The following ABCA13 variants were observed in gnomAD, a reference collection of about 807,000 sequenced individuals.
ABCA13 encodes ATP binding cassette subfamily A member 13, also known as ATP-binding cassette sub-family A member 13.
A neutral mutation model predicts 478.7 loss-of-function variants in ABCA13; 476 were observed. That is an observed-to-expected ratio of 0.99 (90% CI 0.92 to 1.07). The LOEUF is 1.07. ABCA13 is among the 50% of genes least tolerant of loss of function. ABCA13 has a pLI of 0.00. For synonymous variants in ABCA13, 2,252 were observed against 2,158.9 expected, an observed-to-expected ratio of 1.04 and a Z score of -1.20; for missense variants, 6,060 against 5,910.6, an observed-to-expected ratio of 1.03 and a Z score of -0.83.
chr7:48,629,886 A>G (rs79463417), intron 59 of ABCA13, among the ~76,000 whole-genome samples: 5,003 of 152,224 alleles, frequency 0.033, 85 homozygotes, highest in South Asian at 0.062. Context: ...GTGGAAGAAC[A>G]CCACGTATAG....
At chr7:48,462,299 G>A (rs1248826421) in intron 43 of ABCA13, among the ~76,000 whole-genome samples, 4 of 152,062 alleles carry the variant, frequency 2.6e-5, no homozygotes, top group African/African-American at 9.7e-5. Flanking sequence ...TAAAGTCTGG[G>A]GAGTGATATG....
chr7:48,396,507 G>T (rs1816855110), intron 38 of ABCA13, among the ~76,000 whole-genome samples: 2 of 152,304 alleles, frequency 1.3e-5, no homozygotes, highest in South Asian at 4.1e-4. Context: ...TCTGACCTAG[G>T]ACTCTCAGAT....
Position 48,272,461 on chromosome 7 carries a change from C to G in ABCA13, c.2795C>G (p.Ala932Gly). The change falls in exon 17 of 62, where the codon GCC becomes GGC. Residue 932 changes from alanine (A) to glycine (G), a missense_variant. Ala to Gly is a moderately conservative substitution (Grantham distance 60). Transcript: ENST00000435803. Reference sequence around the variant, plus strand: ...AGGAATGCATCTGATCTTTTCTCAGCCCTTTCTGAACCACAAAAACAAGAA... The same window carrying G: ...AGGAATGCATCTGATCTTTTCTCAGGCCTTTCTGAACCACAAAAACAAGAA... ...AIRNASDLFSALSEPQKQEVD... is the reference protein window; with the variant it reads ...AIRNASDLFSGLSEPQKQEVD... 1.2e-6 allele frequency: 2 copies of G among 1,613,768 alleles called. No individual in the cohort carries two copies. The highest frequency in any genetic ancestry group is 1.7e-6 in the Non-Finnish European group (2 of 1,179,770).
At chr7:48,353,508 G>A (rs977025260) in intron 31 of ABCA13, among the ~76,000 whole-genome samples, 12 of 150,990 alleles carry the variant, frequency 7.9e-5, no homozygotes, top group Admixed American at 1.3e-4. Flanking sequence ...ATCCTTCATC[G>A]AAACACTGCC....
chr7:48,222,180 AC>A lies in ABCA13; in HGVS notation c.468+872del, dbSNP rs1334445147. Among the ~76,000 whole-genome samples, 4 of 152,182 alleles carry A rather than the reference AC, an allele frequency of 2.6e-5. No individual in the cohort carries two copies. In the East Asian group the frequency reaches 7.7e-4, roughly 29 times the overall value. On this transcript the variant is annotated intron_variant, in intron 5 of 61. Coordinates refer to ENST00000435803, the MANE Select transcript of ABCA13 (RefSeq NM_152701.5). ...CACTAGCAAAGAGTATTGAACAAAC[AC>A]TCATCTTAACTTGGAGATTTCTGAT...
In ABCA13 at chr7:48,276,476, A is replaced by C. The variant is rs201281803; in HGVS notation, c.6810A>C (p.Thr2270=). Residue 2270 remains threonine, a synonymous_variant, in exon 17 of 62, where the codon ACA becomes ACC. Transcript: ENST00000435803. ...ATTTCACAGAACAGTTTTTGAAAAC[A>C]TTCTTCTCCCTTTTTCTAAAGGAAG... is the stretch of plus-strand genomic sequence containing the variant. ...IVDFTEQFLK[T]FFSLFLKEDS... is the part of the protein sequence containing the mutation. The C allele has an allele frequency of 6.9e-5, 110 of 1,605,698 alleles. No homozygotes were observed. The highest frequency in any genetic ancestry group is 8.8e-5 in the Non-Finnish European group (103 of 1,176,912).
intron 55 of ABCA13, among the ~76,000 whole-genome samples, chr7:48,557,694 T>C (rs564395230): frequency 2.0e-5 from 3 of 151,958 alleles, no homozygotes; most frequent in Admixed American, 6.6e-5. Context: ...TGGTTAAATC[T>C]GCTTGGTGTT....
At chr7:48,187,289 C>A (rs1444069487) in intron 1 of ABCA13, among the ~76,000 whole-genome samples, 1 of 131,556 alleles carries the variant, frequency 7.6e-6, no homozygotes, top group African/African-American at 2.9e-5. Flanking sequence ...TTTTGTCTGT[C>A]TAGACACCTG....
At chr7:48,230,035 A>C in intron 7 of ABCA13, 80 bp downstream of exon 7, 4 of 1,430,684 alleles carry the variant, frequency 2.8e-6, no homozygotes, top group Non-Finnish European at 1.9e-6. Context: ...TAGAGCTAAA[A>C]TGATGTTCAA....
chr7:48,636,118 T>A (rs1794614740), intron 59 of ABCA13, among the ~76,000 whole-genome samples: 2 of 152,312 alleles, frequency 1.3e-5, no homozygotes, highest in Non-Finnish European at 2.9e-5. Context: ...ATTGACTTTT[T>A]ACAGCCCCTG....
At chr7:48,315,764 C>G (rs1802500403) in intron 26 of ABCA13, among the ~76,000 whole-genome samples, 1 of 152,112 alleles carries the variant, frequency 6.6e-6, no homozygotes, top group Non-Finnish European at 1.5e-5. Flanking sequence ...AGGCGTGAGC[C>G]ACTGTGCCTG....
At chr7:48,436,077 A>T (rs10248371) in intron 42 of ABCA13, among the ~76,000 whole-genome samples, 36 of 151,000 alleles carry the variant, frequency 2.4e-4, no homozygotes, top group African/African-American at 8.5e-4. Context: ...CAATTTTTTC[A>T]AAGAGTTCTA....
chr7:48,641,121 A>G (rs1017293061), intron 59 of ABCA13, among the ~76,000 whole-genome samples: 6 of 152,194 alleles, frequency 3.9e-5, no homozygotes, highest in Non-Finnish European at 8.8e-5. Context: ...TTATTAGATA[A>G]TTACTGGAAT....
chr7:48,358,819 G>A (rs1039985483), intron 31 of ABCA13, among the ~76,000 whole-genome samples: 1 of 152,030 alleles, frequency 6.6e-6, no homozygotes, highest in South Asian at 2.1e-4. Context: ...AAATATAGGA[G>A]AATTTCTTGG....
At chr7:48,290,800 C>G (rs1035659667) in intron 20 of ABCA13, among the ~76,000 whole-genome samples, 14 of 151,978 alleles carry the variant, frequency 9.2e-5, no homozygotes, top group Admixed American at 2.6e-4. Flanking sequence ...GGGATACTCA[C>G]CTGTATCTAT....
chr7:48,179,405 T>C lies in ABCA13; in HGVS notation c.69+7853T>C, dbSNP rs192415880. Among the ~76,000 whole-genome samples the C allele has an allele frequency of 1.5e-3, 224 of 152,314 alleles. 2 individuals carry two copies. Among genetic ancestry groups the C allele is most frequent in the Non-Finnish European group, 1.5e-4 (10 of 68,026 alleles). On this transcript the variant is annotated intron_variant, in intron 1 of 61. Transcript: ENST00000435803. ...TCCTCTCCTCTCTCTGCTTCATTCCTGTCGGGGATGTTTTCCTCCCCCACT... is the reference window on the plus strand; with the variant it reads ...TCCTCTCCTCTCTCTGCTTCATTCCCGTCGGGGATGTTTTCCTCCCCCACT...
In ABCA13 at chr7:48,615,373, A is replaced by T; in HGVS notation, c.14833A>T (p.Asn4945Tyr). 6.4e-7 allele frequency: 1 copy of T among 1,563,384 alleles called. No homozygotes were observed. The highest frequency in any genetic ancestry group is 2.4e-5 in the East Asian group (1 of 42,454). Residue 4945 changes from asparagine (N) to tyrosine (Y), a missense_variant, in exon 59 of 62, where the codon AAT (asparagine) becomes TAT (tyrosine). By Grantham distance (143) the Asn-to-Tyr change is moderately radical. Coordinates refer to ENST00000435803, the MANE Select transcript of ABCA13 (RefSeq NM_152701.5). ...KCLGSPQHIK[N>Y]RFGDGYTVKV... ...TCTTGGTTCTCCTCAGCACATCAAA[A>T]ATAGGTGCGTTGAAGTTCTCCTTTT...
At chr7:48,505,800 G>A (rs762412868) in intron 48 of ABCA13, among the ~76,000 whole-genome samples, 4 of 151,956 alleles carry the variant, frequency 2.6e-5, no homozygotes, top group Admixed American at 6.6e-5. Flanking sequence ...GCTGATGGCA[G>A]TTTCTTCATT....
At chr7:48,558,840 T>G (rs577729741) in intron 55 of ABCA13, among the ~76,000 whole-genome samples, 1 of 152,320 alleles carries the variant, frequency 6.6e-6, no homozygotes, top group South Asian at 2.1e-4. Context: ...GCCTTGATGT[T>G]CAGAGATGTT....
Sources: gnomAD v4.1 joint callset for allele counts (sites outside exome capture counted in the v4.1 genomes callset) on GRCh38, gnomAD v4.1.1 for gene constraint, MANE v1.5 for transcripts, NCBI Gene and HGNC (gene_info 2026-07-23, HGNC 2026-07-21) for gene names.